The following GRID2 variants were observed in gnomAD, a reference collection of about 807,000 sequenced individuals.
The protein encoded by GRID2 is glutamate receptor ionotropic, delta-2.
In GRID2, 33 loss-of-function variants were observed where a neutral mutation model predicts 114.8. The ratio of observed to expected loss-of-function variants is 0.29; its 90% confidence interval spans 0.22 to 0.38. The LOEUF is 0.38. Ranked by LOEUF, GRID2 falls within the 10% of genes least tolerant of loss-of-function variation. The probability of loss-of-function intolerance (pLI) is 1.00; values close to 1 mark genes in which losing one functional copy is unlikely to be tolerated. For synonymous variants in GRID2, 505 were observed against 449.9 expected, an observed-to-expected ratio of 1.12 and a Z score of -1.55; for missense variants, 1,184 against 1,257.7, an observed-to-expected ratio of 0.94 and a Z score of 0.89.
intron 2 of GRID2, among the ~76,000 whole-genome samples, chr4:92,838,360 C>T (rs1053433237): frequency 1.3e-5 from 2 of 151,912 alleles, no homozygotes; most frequent in Non-Finnish European, 2.9e-5. Flanking sequence ...TGATGTGTGT[C>T]TTTGTGAGCA....
At chr4:93,425,885 C>A (rs1166515923) in intron 10 of GRID2, among the ~76,000 whole-genome samples, 1 of 152,168 alleles carries the variant, frequency 6.6e-6, no homozygotes. Context: ...GGGTACCCTG[C>A]AGTTTCTGCC....
intron 2 of GRID2, among the ~76,000 whole-genome samples, chr4:92,842,612 C>T (rs1415123855): frequency 6.6e-6 from 1 of 152,086 alleles, no homozygotes; most frequent in Non-Finnish European, 1.5e-5. Context: ...TAGTAGGCAG[C>T]TTGGCAGGTG....
intron 2 of GRID2, among the ~76,000 whole-genome samples, chr4:93,035,811 G>T (rs1363014474): frequency 6.6e-6 from 1 of 152,162 alleles, no homozygotes; most frequent in Non-Finnish European, 1.5e-5. Context: ...AGCCTGAAAT[G>T]TAAGCATGGA....
intron 9 of GRID2, among the ~76,000 whole-genome samples, chr4:93,414,620 A>G (rs1426376787): frequency 6.6e-6 from 1 of 151,336 alleles, no homozygotes; most frequent in Non-Finnish European, 1.5e-5. Flanking sequence ...CATTTCTCAC[A>G]TATGCCTTCT....
intron 13 of GRID2, among the ~76,000 whole-genome samples, chr4:93,589,044 T>G (rs1386207892): frequency 2.0e-5 from 3 of 151,232 alleles, no homozygotes; most frequent in Non-Finnish European, 4.4e-5. Flanking sequence ...TTTTTTTTAT[T>G]ATTTATTTAT....
intron 2 of GRID2, among the ~76,000 whole-genome samples, chr4:92,942,728 T>C (rs1394075030): frequency 6.6e-6 from 1 of 152,228 alleles, no homozygotes; most frequent in Non-Finnish European, 1.5e-5. Context: ...TTTCCACGTT[T>C]AGTGCTTCCT....
chr4:92,526,831 A>T (rs1253415803), intron 1 of GRID2, among the ~76,000 whole-genome samples: 1 of 152,060 alleles, frequency 6.6e-6, no homozygotes, highest in African/African-American at 2.4e-5. Flanking sequence ...GAAATGTGAA[A>T]TATATTCAGT....
At position 93,244,508 on chromosome 4, in the gene GRID2, AT is replaced by A. The variant is rs1401330310; in HGVS notation, c.1245+6019del. On this transcript the variant is annotated intron_variant, in intron 8 of 15. Coordinates refer to ENST00000282020, the MANE Select transcript of GRID2 (RefSeq NM_001510.4). ...TATAATCTATTAATTAATAGATTATATAATCTATTAATTAATAGATTATATA... is the reference window on the plus strand; with the variant it reads ...TATAATCTATTAATTAATAGATTATAAATCTATTAATTAATAGATTATATA... Among the ~76,000 whole-genome samples, 104 of 49,862 alleles carry A rather than the reference AT, an allele frequency of 2.1e-3. 1 individual carries two copies. The highest frequency in any genetic ancestry group is 7.7e-3 in the African/African-American group (99 of 12,878). 32.7% of individuals were successfully genotyped at this position (49,862 alleles called of 152,430 possible).
intron 2 of GRID2, among the ~76,000 whole-genome samples, chr4:92,639,853 T>A (rs1731258814): frequency 6.6e-6 from 1 of 151,826 alleles, no homozygotes. Context: ...TGTAAAGCAC[T>A]TGGAACAGTA....
chr4:92,642,111 G>A (rs929308453), intron 2 of GRID2, among the ~76,000 whole-genome samples: 2 of 151,438 alleles, frequency 1.3e-5, no homozygotes, highest in African/African-American at 4.8e-5. Context: ...GAACATTTGG[G>A]TGCATGTATC....
chr4:92,943,197 T>G (rs1454460562), intron 2 of GRID2, among the ~76,000 whole-genome samples: 1 of 152,232 alleles, frequency 6.6e-6, no homozygotes, highest in Non-Finnish European at 1.5e-5. Flanking sequence ...CCTGTCACTT[T>G]CAGGTACACC....
At chr4:92,352,042 A>G (rs1468333385) in intron 1 of GRID2, among the ~76,000 whole-genome samples, 1 of 151,818 alleles carries the variant, frequency 6.6e-6, no homozygotes, top group East Asian at 1.9e-4. Flanking sequence ...GCCGGATCAT[A>G]TGGTAGTTTA....
chr4:92,918,612 G>A (rs1749024243), intron 2 of GRID2, among the ~76,000 whole-genome samples: 1 of 152,172 alleles, frequency 6.6e-6, no homozygotes, highest in Non-Finnish European at 1.5e-5. Context: ...AGATAATCAT[G>A]TGGTTTTTGT....
At chr4:93,550,693 C>G (rs1733671571) in intron 13 of GRID2, among the ~76,000 whole-genome samples, 1 of 152,140 alleles carries the variant, frequency 6.6e-6, no homozygotes. Flanking sequence ...TTTGAGCCCT[C>G]TTTAAAAGAT....
At chr4:93,780,062 G>A (rs560981846) in intron 1 of GRID2, among the ~76,000 whole-genome samples, 1 of 152,330 alleles carries the variant, frequency 6.6e-6, no homozygotes, top group South Asian at 2.1e-4. Context: ...AACTGAGGGA[G>A]ACAGATAATA....
chr4:93,586,279 T>C (rs1737534435), intron 13 of GRID2, among the ~76,000 whole-genome samples: 1 of 152,058 alleles, frequency 6.6e-6, no homozygotes, highest in Non-Finnish European at 1.5e-5. Context: ...TCAGGACTTA[T>C]CTGGCCACCA....
At chr4:92,416,693 T>C (rs768166153) in intron 1 of GRID2, among the ~76,000 whole-genome samples, 14 of 152,130 alleles carry the variant, frequency 9.2e-5, no homozygotes, top group Non-Finnish European at 2.1e-4. Flanking sequence ...TTGTTTGCTT[T>C]GTTGAAGGTC....
intron 1 of GRID2, among the ~76,000 whole-genome samples, chr4:92,581,571 T>A (rs1048082281): frequency 1.3e-5 from 2 of 152,014 alleles, no homozygotes; most frequent in African/African-American, 4.8e-5. Context: ...TATTGGAGAG[T>A]AAGGCTAAGA....
At chr4:92,624,616 CT>C (rs1269394452) in intron 2 of GRID2, among the ~76,000 whole-genome samples, 1 of 151,798 alleles carries the variant, frequency 6.6e-6, no homozygotes, top group Non-Finnish European at 1.5e-5. Flanking sequence ...TACATTTAAA[CT>C]TTTCCTTTCA....
Sources: gnomAD v4.1 joint callset for allele counts (sites outside exome capture counted in the v4.1 genomes callset) on GRCh38, gnomAD v4.1.1 for gene constraint, MANE v1.5 for transcripts, NCBI Gene and HGNC (gene_info 2026-07-23, HGNC 2026-07-21) for gene names.